EPHA3: variants seen among roughly 807,000 people sequenced by gnomAD.
EPHA3 encodes EPH receptor A3.
Under a neutral mutation model 107.1 loss-of-function variants are expected in EPHA3, and 42 were observed. That is an observed-to-expected ratio of 0.39 (90% CI 0.31 to 0.51). EPHA3 has a LOEUF of 0.51. Ranked by LOEUF, EPHA3 falls within the 20% of genes least tolerant of loss-of-function variation. EPHA3 has a pLI of 0.78. For synonymous variants in EPHA3, 461 were observed against 424.8 expected (o/e 1.09, Z -1.05); for missense variants, 1,183 against 1,211.2 (o/e 0.98, Z 0.35).
chr3:89,121,755 C>CAAAAAAA (rs11342577), intron 1 of EPHA3, among the ~76,000 whole-genome samples: 1 of 133,096 alleles, frequency 7.5e-6, no homozygotes. Flanking sequence ...GACCCCGTCT[C>CAAAAAAA]AAAAAAAAAA....
In EPHA3 at chr3:89,279,262, G is replaced by A. The variant is rs368794591; in HGVS notation, c.815-61654G>A. Among the ~76,000 whole-genome samples, 124 of 152,056 alleles carry A rather than the reference G, an allele frequency of 8.2e-4. No individual in the cohort carries two copies. In the South Asian group the frequency reaches 0.023, roughly 28 times the overall value. On this transcript the variant is annotated intron_variant, in intron 3 of 16. Coordinates refer to ENST00000336596, the MANE Select transcript of EPHA3 (RefSeq NM_005233.6). ...GCAGAAATATGTTCTCTTAAGTAAT[G>A]AGTTTGAAAGAAAGTCTTTTCTTTT...
chr3:89,370,848 G>C (rs1263567239), intron 5 of EPHA3, among the ~76,000 whole-genome samples: 2 of 151,558 alleles, frequency 1.3e-5, no homozygotes, highest in South Asian at 2.1e-4. Context: ...GTTGTGAAGT[G>C]AATTGGGCAA....
intron 6 of EPHA3, among the ~76,000 whole-genome samples, chr3:89,397,153 T>A (rs1454408087): frequency 6.6e-6 from 1 of 152,232 alleles, no homozygotes; most frequent in Non-Finnish European, 1.5e-5. Context: ...TTCTCTAGTA[T>A]AATGTCATTT....
At chr3:89,250,735 A>G (rs1559618974) in intron 3 of EPHA3, among the ~76,000 whole-genome samples, 1 of 152,210 alleles carries the variant, frequency 6.6e-6, no homozygotes, top group Admixed American at 6.5e-5. Flanking sequence ...ATCCTTTTCT[A>G]CTAATCTCTT....
At chr3:89,361,112 T>A (rs1357587661) in intron 5 of EPHA3, among the ~76,000 whole-genome samples, 1 of 151,012 alleles carries the variant, frequency 6.6e-6, no homozygotes, top group Non-Finnish European at 1.5e-5. Flanking sequence ...GAATTTTACC[T>A]AGAGTGCACA....
intron 11 of EPHA3, among the ~76,000 whole-genome samples, chr3:89,424,818 A>G (rs1709425170): frequency 6.6e-6 from 1 of 151,508 alleles, no homozygotes; most frequent in African/African-American, 2.4e-5. Context: ...TGGACAGTAA[A>G]TTAGTTGTTA....
intron 3 of EPHA3, among the ~76,000 whole-genome samples, chr3:89,314,889 C>A (rs1346590545): frequency 6.6e-6 from 1 of 151,826 alleles, no homozygotes. Context: ...TGTCGTTGTG[C>A]AAATATCATA....
chr3:89,359,060 T>G (rs533534322), intron 5 of EPHA3, among the ~76,000 whole-genome samples: 52 of 151,298 alleles, frequency 3.4e-4, no homozygotes, highest in African/African-American at 1.2e-3. Flanking sequence ...AGTTTGGAAT[T>G]AAATATTCTA....
At chr3:89,252,560 T>C (rs1324950069) in intron 3 of EPHA3, among the ~76,000 whole-genome samples, 1 of 152,002 alleles carries the variant, frequency 6.6e-6, no homozygotes, top group African/African-American at 2.4e-5. Flanking sequence ...GGAGATTCCA[T>C]CTCTACAAAA....
rs555869214 is a variant in EPHA3, at chr3:89,481,212, C to G, written c.*1710C>G. 3.0e-5 allele frequency: 7 copies of G among 232,244 alleles called. No homozygotes were observed. In the East Asian group the frequency reaches 4.3e-4, roughly 14 times the overall value. The allele number at this position is 232,244 out of a possible 1,614,324, so 14.4% of individuals were successfully genotyped here. A position where few individuals can be genotyped will look rare whatever the true frequency, so the allele number is the denominator to read the frequency against. On this transcript the variant is annotated 3_prime_UTR_variant, in exon 17 of 17. Transcript: ENST00000336596. Reference sequence around the variant, plus strand: ...GCTTACAATCGCAAATCAAAACTCACAAGTGCTCATCTGTTGTAGATTTAG... The same window carrying G: ...GCTTACAATCGCAAATCAAAACTCAGAAGTGCTCATCTGTTGTAGATTTAG...
At chr3:89,211,700 CCCTCTT>C (rs1480720767) in intron 3 of EPHA3, among the ~76,000 whole-genome samples, 15 of 150,074 alleles carry the variant, frequency 1.0e-4, no homozygotes, top group Admixed American at 2.0e-4. Flanking sequence ...CTCCCCCTCC[CCCTCTT>C]CCTCTTCCTC....
intron 3 of EPHA3, among the ~76,000 whole-genome samples, chr3:89,327,919 G>T (rs1418697430): frequency 6.6e-6 from 1 of 151,858 alleles, no homozygotes; most frequent in Non-Finnish European, 1.5e-5. Context: ...CCAACATGGT[G>T]GAACCCCATC....
At chr3:89,386,099 C>A (rs1708615643) in intron 5 of EPHA3, among the ~76,000 whole-genome samples, 1 of 152,076 alleles carries the variant, frequency 6.6e-6, no homozygotes, top group Non-Finnish European at 1.5e-5. Flanking sequence ...CAAGAGGAAG[C>A]AGAGCATTAA....
At chr3:89,373,534 A>G (rs1708346650) in intron 5 of EPHA3, among the ~76,000 whole-genome samples, 1 of 151,906 alleles carries the variant, frequency 6.6e-6, no homozygotes, top group African/African-American at 2.4e-5. Flanking sequence ...AGTCAGAAAC[A>G]GAAAAGATTT....
At chr3:89,312,081 C>T (rs1315571040) in intron 3 of EPHA3, among the ~76,000 whole-genome samples, 1 of 151,988 alleles carries the variant, frequency 6.6e-6, no homozygotes, top group East Asian at 1.9e-4. Context: ...CAAATCTTTG[C>T]ACCTCAGTTT....
intron 3 of EPHA3, among the ~76,000 whole-genome samples, chr3:89,336,792 A>G (rs1707401764): frequency 6.6e-6 from 1 of 152,136 alleles, no homozygotes; most frequent in Non-Finnish European, 1.5e-5. Context: ...TGGGTGCAGT[A>G]GCCCAAGCCT....
At chr3:89,180,817 A>G (rs1188440166) in intron 2 of EPHA3, among the ~76,000 whole-genome samples, 1 of 152,106 alleles carries the variant, frequency 6.6e-6, no homozygotes, top group South Asian at 2.1e-4. Context: ...TTTTTTTGTA[A>G]GTGAAGTGCA....
In EPHA3 at chr3:89,476,583, A is replaced by ATTTT. The variant is rs1559710389; in HGVS notation, c.2847-2812_2847-2809dup. ...ATATTTACTTTCCATGACTATTATTATTTTTATTTATTTATTTATTTATTT... is the reference window on the plus strand; with the variant it reads ...ATATTTACTTTCCATGACTATTATTATTTTTTTTTATTTATTTATTTATTTATTT... On this transcript the variant is annotated intron_variant, in intron 16 of 16. Coordinates refer to ENST00000336596, the MANE Select transcript of EPHA3 (RefSeq NM_005233.6). 9.5e-3 allele frequency among the ~76,000 whole-genome samples: 1,241 copies of ATTTT among 130,774 alleles called. 13 individuals carry two copies. The highest frequency in any genetic ancestry group is 0.029 in the African/African-American group (1,026 of 35,436). 85.8% of individuals were successfully genotyped at this position (130,774 alleles called of 152,430 possible). A position where few individuals can be genotyped will look rare whatever the true frequency, so the allele number is the denominator to read the frequency against.
chr3:89,399,529 A>G (rs748605999), intron 7 of EPHA3, 49 bp downstream of exon 7: 2 of 1,598,650 alleles, frequency 1.3e-6, no homozygotes, highest in East Asian at 2.2e-5. Flanking sequence ...GGATCTTGCA[A>G]AAGATGTCTG....
Sources: gnomAD v4.1 joint callset for allele counts (sites outside exome capture counted in the v4.1 genomes callset) on GRCh38, gnomAD v4.1.1 for gene constraint, MANE v1.5 for transcripts, NCBI Gene and HGNC (gene_info 2026-07-23, HGNC 2026-07-21) for gene names.